ARB2A: variants seen among roughly 807,000 people sequenced by gnomAD.
The protein encoded by ARB2A is cotranscriptional regulator ARB2A.
At chr5:94,063,962 CA>C in the ARB2A span, among the ~76,000 whole-genome samples, 1 of 151,784 alleles carries the variant, frequency 6.6e-6, no homozygotes, top group Non-Finnish European at 1.5e-5. Context: ...AAGGACACTT[CA>C]AAAGGAGCAC....
chr5:93,709,744 C>G, the ARB2A span, among the ~76,000 whole-genome samples: 1 of 150,516 alleles, frequency 6.6e-6, no homozygotes, highest in Non-Finnish European at 1.5e-5. Context: ...TGCTATAAAT[C>G]CATAGAAATT....
chr5:93,934,874 TA>T, the ARB2A span, among the ~76,000 whole-genome samples: 168 of 152,126 alleles, frequency 1.1e-3, no homozygotes, highest in African/African-American at 3.9e-3. Context: ...CCTTACTGTA[TA>T]AAAAAACTGG....
chr5:94,005,001 A>T, the ARB2A span, among the ~76,000 whole-genome samples: 6 of 110,662 alleles, frequency 5.4e-5, no homozygotes, highest in South Asian at 2.9e-4. Flanking sequence ...TTATCAGCAA[A>T]AAAAAAAAAA....
the ARB2A span, among the ~76,000 whole-genome samples, chr5:93,694,575 G>T: frequency 1.9e-3 from 287 of 152,318 alleles, no homozygotes; most frequent in Middle Eastern, 3.4e-3. Context: ...CATGCTCATG[G>T]ATAGGAAAAA....
At chr5:93,659,435 T>C in the ARB2A span, among the ~76,000 whole-genome samples, 1 of 152,094 alleles carries the variant, frequency 6.6e-6, no homozygotes, top group Non-Finnish European at 1.5e-5. Context: ...GTGGTTTCCA[T>C]TGGCAATACC....
the ARB2A span, among the ~76,000 whole-genome samples, chr5:94,070,749 CA>C: frequency 6.6e-6 from 1 of 151,096 alleles, no homozygotes; most frequent in African/African-American, 2.4e-5. Context: ...AGAACACAAA[CA>C]AAAAAAGGGG....
the ARB2A span, among the ~76,000 whole-genome samples, chr5:93,756,352 G>C: frequency 6.6e-6 from 1 of 152,180 alleles, no homozygotes. Flanking sequence ...GCCCACCGCT[G>C]GTCCCTCTGG....
chr5:93,759,362 T>C, the ARB2A span, among the ~76,000 whole-genome samples: 21 of 152,134 alleles, frequency 1.4e-4, no homozygotes, highest in South Asian at 1.5e-3. Flanking sequence ...TTCCATAAGA[T>C]AGAGAAAGAA....
At chr5:94,010,722 T>C in the ARB2A span, among the ~76,000 whole-genome samples, 1 of 152,058 alleles carries the variant, frequency 6.6e-6, no homozygotes, top group Non-Finnish European at 1.5e-5. Flanking sequence ...TTTTTTCCTG[T>C]TATATTATTA....
chr5:94,069,087 T>C, the ARB2A span, among the ~76,000 whole-genome samples: 4,893 of 151,346 alleles, frequency 0.032, 105 homozygotes, highest in Middle Eastern at 0.088. Context: ...GATAGATAGA[T>C]AGACTAATGG....
chr5:93,921,933 C>A, the ARB2A span, among the ~76,000 whole-genome samples: 3 of 152,066 alleles, frequency 2.0e-5, no homozygotes, highest in Non-Finnish European at 4.4e-5. Context: ...ATCCAGACCC[C>A]CAAGAGTTCA....
At chr5:93,748,217 A>C in the ARB2A span, among the ~76,000 whole-genome samples, 1 of 152,132 alleles carries the variant, frequency 6.6e-6, no homozygotes, top group Non-Finnish European at 1.5e-5. Flanking sequence ...CAATATATTA[A>C]AGAACTGATA....
At chr5:94,070,541 G>T in the ARB2A span, among the ~76,000 whole-genome samples, 1,427 of 152,078 alleles carry the variant, frequency 9.4e-3, 23 homozygotes, top group African/African-American at 0.033. Flanking sequence ...ATGGATAATG[G>T]AAATATCCTA....
chr5:93,824,883 T>C, the ARB2A span, among the ~76,000 whole-genome samples: 3 of 152,372 alleles, frequency 2.0e-5, no homozygotes, highest in African/African-American at 7.2e-5. Context: ...ACAGATGCTA[T>C]TGTTCTTTGG....
chr5:93,940,433 T>C, the ARB2A span, among the ~76,000 whole-genome samples: 1 of 152,006 alleles, frequency 6.6e-6, no homozygotes, highest in African/African-American at 2.4e-5. Context: ...GGATGTCACA[T>C]TGTAAATAAA....
chr5:93,630,071 C>T, the ARB2A span, among the ~76,000 whole-genome samples: 3 of 152,018 alleles, frequency 2.0e-5, no homozygotes, highest in Non-Finnish European at 2.9e-5. Context: ...TATCAGAACA[C>T]TGAAAAATAA....
chr5:94,001,590 G>A, the ARB2A span, among the ~76,000 whole-genome samples: 1 of 152,150 alleles, frequency 6.6e-6, no homozygotes, highest in African/African-American at 2.4e-5. Context: ...CCTCAGTCAT[G>A]TCCAGTCCAC....
the ARB2A span, among the ~76,000 whole-genome samples, chr5:93,981,265 C>T: frequency 6.6e-6 from 1 of 151,892 alleles, no homozygotes; most frequent in Non-Finnish European, 1.5e-5. Flanking sequence ...GATGGAGTTT[C>T]ACCATGTTGC....
the ARB2A span, among the ~76,000 whole-genome samples, chr5:93,692,849 A>C: frequency 6.6e-6 from 1 of 152,032 alleles, no homozygotes; most frequent in Non-Finnish European, 1.5e-5. Flanking sequence ...CATAACGAAC[A>C]CTCTCTCAGA....
Sources: allele counts gnomAD v4.1 joint callset (sites outside exome capture counted in the v4.1 genomes callset), GRCh38; gene constraint gnomAD v4.1.1; transcripts MANE v1.5; gene names NCBI Gene and HGNC (gene_info 2026-07-23, HGNC 2026-07-21).